Variants in SATB1 observed in about 807,000 individuals in gnomAD.
SATB1 encodes the protein SATB homeobox 1, also known as DNA-binding protein SATB1.
A neutral mutation model predicts 86.9 loss-of-function variants in SATB1; 11 were observed. That is an observed-to-expected ratio of 0.13 (90% confidence interval 0.08 to 0.21). SATB1 has a LOEUF of 0.21. Ranked by LOEUF, SATB1 falls within the 10% of genes least tolerant of loss-of-function variation. The pLI is 1.00. For synonymous variants in SATB1, 357 were observed against 357.2 expected (o/e 1.00, Z 0.01); for missense variants, 551 against 937.6 (o/e 0.59, Z 5.39).
chr3:18,411,285 C>T (rs988857513), intron 5 of SATB1, among the ~76,000 whole-genome samples: 2 of 151,886 alleles, frequency 1.3e-5, no homozygotes, highest in African/African-American at 2.4e-5. Flanking sequence ...CGTGTGCACG[C>T]GCGAGTATGT....
intron 10 of SATB1, chr3:18,351,383 T>C: frequency 6.4e-7 from 1 of 1,553,472 alleles, no homozygotes; most frequent in Non-Finnish European, 8.6e-7. Context: ...AGACTCTCCT[T>C]TCCCAAGGGT....
At chr3:18,383,312 A>C (rs904926415) in intron 8 of SATB1, among the ~76,000 whole-genome samples, 1 of 152,190 alleles carries the variant, frequency 6.6e-6, no homozygotes, top group Non-Finnish European at 1.5e-5. Flanking sequence ...CTTAGAATTC[A>C]AGTCCTTCAA....
chr3:18,419,642 G>A (rs559426085), intron 2 of SATB1, among the ~76,000 whole-genome samples: 1 of 152,082 alleles, frequency 6.6e-6, no homozygotes, highest in Non-Finnish European at 1.5e-5. Flanking sequence ...AATGCACTCT[G>A]TTTGAAAAGC....
At chr3:18,375,280 A>G (rs1695686563) in intron 9 of SATB1, among the ~76,000 whole-genome samples, 1 of 152,178 alleles carries the variant, frequency 6.6e-6, no homozygotes, top group Non-Finnish European at 1.5e-5. Context: ...TTTATTATTT[A>G]AGAAACTCTC....
chr3:18,361,663 C>T (rs1338312656), intron 9 of SATB1, among the ~76,000 whole-genome samples: 1 of 152,122 alleles, frequency 6.6e-6, no homozygotes, highest in Non-Finnish European at 1.5e-5. Context: ...ACCTGTAAAA[C>T]ACAAATGCCT....
At chr3:18,399,391 G>A (rs925158003) in intron 5 of SATB1, among the ~76,000 whole-genome samples, 1 of 152,156 alleles carries the variant, frequency 6.6e-6, no homozygotes, top group Non-Finnish European at 1.5e-5. Context: ...TAAGAACACA[G>A]ATATGTAAAT....
chr3:18,425,896 G>A (rs1698680501), upstream of SATB1, among the ~76,000 whole-genome samples: 1 of 151,702 alleles, frequency 6.6e-6, no homozygotes, highest in Non-Finnish European at 1.5e-5. Flanking sequence ...GCGAGGGCCA[G>A]GGGAGAAAAC....
rs973023709 is a variant in SATB1, at chr3:18,444,011, T to A, written c.-25+1507A>T. On this transcript the variant is annotated intron_variant, in intron 1 of 3. Coordinates refer to the SATB1 transcript ENST00000415069. This position sits in a 1 kb window ranked among gnomAD's most constrained non-coding sequence, Gnocchi z 5.1. ...CGAGTAGCTCCCGGGATGCAGAAGT[T>A]GCCACAAACTTCCCAGGCCCCTCTT... 3.9e-5 allele frequency among the ~76,000 whole-genome samples: 6 copies of A among 152,104 alleles called. No homozygotes were observed. Among genetic ancestry groups the A allele is most frequent in the African/African-American group, 1.4e-4 (6 of 41,428 alleles).
At chr3:18,391,351 T>C (rs573224056) in intron 7 of SATB1, among the ~76,000 whole-genome samples, 227 of 151,458 alleles carry the variant, frequency 1.5e-3, no homozygotes, top group African/African-American at 5.1e-3. Context: ...TCATGTAACT[T>C]TGTATTTGTA....
chr3:18,364,268 T>G (rs1695069181), intron 9 of SATB1, among the ~76,000 whole-genome samples: 2 of 152,078 alleles, frequency 1.3e-5, no homozygotes, highest in African/African-American at 4.8e-5. Flanking sequence ...ATACATAAGA[T>G]TACAAAGAAA....
chr3:18,365,796 G>T lies in SATB1; in HGVS notation c.1575+12374C>A, dbSNP rs149513388. Among the ~76,000 whole-genome samples, 208 of 152,232 alleles carry T rather than the reference G, an allele frequency of 1.4e-3. 7 individuals are homozygous for T. In the East Asian group the frequency reaches 0.033, roughly 24 times the overall value. On this transcript the variant is annotated intron_variant, in intron 9 of 10. Transcript: ENST00000338745. The stretch of plus-strand genomic sequence containing the variant: ...GCTTTCGTCCTTATGGTTATCCAGG[G>T]TCCAAGCTATTTAGTCTCTTTAATC...
rs779561540 is a variant in SATB1, at chr3:18,420,741, G to T, written c.211+16C>A. ...AGGGCTTTCAGCTTTTCAAGATTTG[G>T]CTTGAAGGTATTTACCTTTCCTAAG... On this transcript the variant is annotated intron_variant, in intron 2 of 10. Transcript: ENST00000338745. 6.2e-7 allele frequency: 1 copy of T among 1,605,436 alleles called. No homozygotes were observed. The highest frequency in any genetic ancestry group is 8.5e-7 in the Non-Finnish European group (1 of 1,173,462).
chr3:18,424,323 A>ACCCCC lies in SATB1; in HGVS notation c.-726_-722dup, dbSNP rs138686151. On this transcript the variant is annotated 5_prime_UTR_variant, in exon 1 of 11. Coordinates refer to ENST00000338745, the MANE Select transcript of SATB1 (RefSeq NM_002971.6). ...CCTCGCCTCCCTTCCAATCACCCCC[A>ACCCCC]CCCCCCTCGCCAACAATCGCGACTA... 2.7e-5 allele frequency: 4 copies of ACCCCC among 147,506 alleles called. No homozygotes were observed. The highest frequency in any genetic ancestry group is 2.0e-4 in the East Asian group (1 of 4,910). The allele number at this position is 147,506 out of a possible 1,614,324, so 9.1% of individuals were successfully genotyped here. A position where few individuals can be genotyped will look rare whatever the true frequency, so the allele number is the denominator to read the frequency against.
rs1453229195 is a variant in SATB1, at chr3:18,349,558, G to T, written c.1904C>A (p.Ala635Glu). ...CTGTCGGTTTTCCTCATCTGACTCT[G>T]CTGGAGAGGCCACCGTGGGTTGCCG... ...PPRQPTVASP[A>E]ESDEENRQKT... Residue 635 changes from alanine (A) to glutamate (E), a missense_variant, in exon 11 of 11, where the codon GCA becomes GAA. Ala to Glu is a moderately radical substitution (Grantham distance 107). Coordinates refer to ENST00000338745, the MANE Select transcript of SATB1 (RefSeq NM_002971.6). This position sits in a 1 kb window ranked among gnomAD's most constrained non-coding sequence, Gnocchi z 5.5. The T allele has an allele frequency of 6.2e-7, 1 of 1,614,024 alleles. No individual in the cohort carries two copies. Among genetic ancestry groups the T allele is most frequent in the South Asian group, 1.1e-5 (1 of 91,070 alleles).
chr3:18,385,081 TTTC>T (rs1320824500), intron 8 of SATB1, among the ~76,000 whole-genome samples: 1 of 152,204 alleles, frequency 6.6e-6, no homozygotes, highest in Non-Finnish European at 1.5e-5. Flanking sequence ...TGGCTAAATA[TTTC>T]TTATTTATGC....
At chr3:18,376,306 T>A (rs1695751677) in intron 9 of SATB1, among the ~76,000 whole-genome samples, 1 of 151,908 alleles carries the variant, frequency 6.6e-6, no homozygotes, top group Non-Finnish European at 1.5e-5. Context: ...AAATGACAGG[T>A]GATAGATAAC....
upstream of SATB1, among the ~76,000 whole-genome samples, chr3:18,425,977 A>C (rs1698684462): frequency 6.6e-6 from 1 of 151,534 alleles, no homozygotes; most frequent in Non-Finnish European, 1.5e-5. Context: ...GGGACAGGCG[A>C]GGTGGGGGGA....
intron 8 of SATB1, among the ~76,000 whole-genome samples, chr3:18,382,280 T>TA (rs1455422886): frequency 6.6e-6 from 1 of 152,062 alleles, no homozygotes; most frequent in African/African-American, 2.4e-5. Flanking sequence ...AAGAATTACA[T>TA]AAAGAGATGT....
chr3:18,436,300 CACT>C (rs1253764668), intron 2 of SATB1, among the ~76,000 whole-genome samples: 2 of 152,158 alleles, frequency 1.3e-5, no homozygotes, highest in Non-Finnish European at 2.9e-5. Context: ...AGCCTTGAGG[CACT>C]AGTCCATAAT....
Sources: gnomAD v4.1 joint callset for allele counts (sites outside exome capture counted in the v4.1 genomes callset) on GRCh38, gnomAD v4.1.1 for gene constraint, Gnocchi (gnomAD v3.1) non-coding constraint, MANE v1.5 for transcripts, NCBI Gene and HGNC (gene_info 2026-07-23, HGNC 2026-07-21) for gene names.